TRERF1: variants seen among roughly 807,000 people sequenced by gnomAD.
TRERF1 encodes transcriptional-regulating factor 1.
A neutral mutation model predicts 122.9 loss-of-function variants in TRERF1; 27 were observed. The ratio of observed to expected loss-of-function variants is 0.22; its 90% CI spans 0.16 to 0.30. The LOEUF (loss-of-function observed/expected upper bound fraction) is 0.30, where lower values mean the gene tolerates loss of function less well. Among genes scored for constraint, TRERF1 ranks in the 10% least tolerant of loss-of-function variants. The probability of loss-of-function intolerance (pLI) is 1.00; values close to 1 mark genes in which losing one functional copy is unlikely to be tolerated. For missense variants in TRERF1, 1,248 were observed against 1,560.3 expected, an observed-to-expected ratio of 0.80 and a Z score of 3.37; for synonymous variants, 636 against 641.7, an observed-to-expected ratio of 0.99 and a Z score of 0.13.
chr6:42,280,811 A>C (rs866359382), intron 4 of TRERF1, among the ~76,000 whole-genome samples: 7 of 152,224 alleles, frequency 4.6e-5, no homozygotes, highest in African/African-American at 1.7e-4. Flanking sequence ...AGGCAAGTCC[A>C]TGGGAGCTGC....
intron 3 of TRERF1, among the ~76,000 whole-genome samples, chr6:42,333,999 A>ACT (rs369339457): frequency 2.1e-3 from 1 of 468 alleles, no homozygotes; most frequent in Non-Finnish European, 0.015. Flanking sequence ...CACATACACT[A>ACT]CACACACACA....
At chr6:42,227,259 G>GTT (rs764232203) in exon 18 of TRERF1, 4 of 152,134 alleles carry the variant, frequency 2.6e-5, no homozygotes, top group Non-Finnish European at 2.9e-5. Context: ...ATTTGCTATC[G>GTT]TATGTGTTAG....
At chr6:42,300,969 T>C (rs534133069) in intron 3 of TRERF1, among the ~76,000 whole-genome samples, 1 of 152,088 alleles carries the variant, frequency 6.6e-6, no homozygotes, top group Admixed American at 6.5e-5. Flanking sequence ...GCCATGGAGA[T>C]GAACTGGATG....
At chr6:42,287,537 G>A (rs1420394793) in intron 4 of TRERF1, among the ~76,000 whole-genome samples, 5 of 152,160 alleles carry the variant, frequency 3.3e-5, no homozygotes, top group South Asian at 2.1e-4. Flanking sequence ...GGGGGCTACC[G>A]GCCTTTGCTC....
At chr6:42,341,947 A>C (rs898211393) in intron 3 of TRERF1, among the ~76,000 whole-genome samples, 1 of 152,246 alleles carries the variant, frequency 6.6e-6, no homozygotes, top group African/African-American at 2.4e-5. Flanking sequence ...TTATTAGTAG[A>C]GCCATCTGCT....
At chr6:42,451,629 C>CT (rs1273430503) in intron 1 of TRERF1, among the ~76,000 whole-genome samples, 45 bp downstream of exon 1, 1 of 150,722 alleles carries the variant, frequency 6.6e-6, no homozygotes, top group Non-Finnish European at 1.5e-5. Context: ...ACATGCACCC[C>CT]TCCCTCTCCT....
chr6:42,334,430 A>G (rs1765783528), intron 3 of TRERF1, among the ~76,000 whole-genome samples: 2 of 152,244 alleles, frequency 1.3e-5, no homozygotes, highest in African/African-American at 4.8e-5. Context: ...AGTATTACAC[A>G]GGCCAATGTC....
intron 2 of TRERF1, among the ~76,000 whole-genome samples, chr6:42,420,105 C>T (rs1341661694): frequency 6.6e-6 from 1 of 152,210 alleles, no homozygotes; most frequent in Non-Finnish European, 1.5e-5. Flanking sequence ...ATTTAACCTA[C>T]CTAGGAGCTT....
intron 4 of TRERF1, among the ~76,000 whole-genome samples, chr6:42,294,159 G>C (rs1784718229): frequency 6.6e-6 from 1 of 151,494 alleles, no homozygotes; most frequent in African/African-American, 2.4e-5. Context: ...AAGAAGTAGG[G>C]GTAGCTCTAG....
chr6:42,260,778 T>A (rs1777694454), intron 8 of TRERF1, among the ~76,000 whole-genome samples: 1 of 152,152 alleles, frequency 6.6e-6, no homozygotes, highest in Admixed American at 6.5e-5. Context: ...AAGGGCTGGC[T>A]ACGGTCATGT....
intron 13 of TRERF1, among the ~76,000 whole-genome samples, chr6:42,252,335 G>A (rs889227739): frequency 1.1e-4 from 16 of 152,340 alleles, no homozygotes; most frequent in Admixed American, 3.3e-4. Context: ...AGTGATTTTC[G>A]TAGGCCTGTG....
intron 3 of TRERF1, among the ~76,000 whole-genome samples, chr6:42,334,026 CGTATGT>C: frequency 7.0e-6 from 1 of 143,088 alleles, no homozygotes; most frequent in African/African-American, 2.9e-5. Flanking sequence ...CACACACACA[CGTATGT>C]ACACATATAT....
Position 42,295,072 on chromosome 6 carries a change from C to T in TRERF1, c.-259+5566G>A, listed in dbSNP as rs1280367143. On this transcript the variant is annotated intron_variant, in intron 4 of 17. Transcript: ENST00000372922. ...CTCCATGCAAACAGGCTTGGCCACT[C>T]GGCTGGGCTGGAAATGTCCAATCAT... 8.5e-5 allele frequency among the ~76,000 whole-genome samples: 13 copies of T among 152,250 alleles called. No homozygotes were observed. In the East Asian group the frequency reaches 1.9e-3, roughly 23 times the overall value.
intron 3 of TRERF1, among the ~76,000 whole-genome samples, chr6:42,340,248 T>C (rs937615451): frequency 6.6e-6 from 1 of 152,132 alleles, no homozygotes; most frequent in Non-Finnish European, 1.5e-5. Flanking sequence ...ACCACCCCAT[T>C]ACTGCTCTAG....
At chr6:42,333,298 G>A (rs1327272464) in intron 3 of TRERF1, among the ~76,000 whole-genome samples, 2 of 152,184 alleles carry the variant, frequency 1.3e-5, no homozygotes, top group African/African-American at 2.4e-5. Context: ...TGGAGAGCTT[G>A]GGTCAAATGA....
intron 3 of TRERF1, among the ~76,000 whole-genome samples, chr6:42,305,209 C>T (rs1156702846): frequency 6.6e-6 from 1 of 152,172 alleles, no homozygotes; most frequent in African/African-American, 2.4e-5. Flanking sequence ...ATCCCATCCT[C>T]TTTATCCCAT....
chr6:42,354,558 C>T (rs1173595014), intron 3 of TRERF1, among the ~76,000 whole-genome samples: 1 of 151,818 alleles, frequency 6.6e-6, no homozygotes, highest in Non-Finnish European at 1.5e-5. Context: ...TTGGTGAAGC[C>T]AAAATGATTT....
intron 4 of TRERF1, among the ~76,000 whole-genome samples, chr6:42,287,420 A>T (rs1352896558): frequency 6.6e-6 from 1 of 152,104 alleles, no homozygotes; most frequent in Non-Finnish European, 1.5e-5. Flanking sequence ...TTTAGAGACG[A>T]TGTGGAAACC....
At chr6:42,441,658 A>G (rs1388454254) in intron 2 of TRERF1, among the ~76,000 whole-genome samples, 2 of 151,268 alleles carry the variant, frequency 1.3e-5, no homozygotes, top group African/African-American at 2.4e-5. Context: ...AGAAAACCAG[A>G]GGTTTAAAAA....
Sources: allele counts gnomAD v4.1 joint callset (sites outside exome capture counted in the v4.1 genomes callset), GRCh38; gene constraint gnomAD v4.1.1; transcripts MANE v1.5; gene names NCBI Gene and HGNC (gene_info 2026-07-23, HGNC 2026-07-21).